Variants in ROBO2 observed in about 807,000 individuals in gnomAD.
ROBO2 encodes the protein roundabout homolog 2.
ROBO2 carries 53 observed loss-of-function variants against 160.8 expected under a neutral mutation model. The observed-to-expected ratio is 0.33, with a 90% CI of 0.26 to 0.41. The LOEUF (loss-of-function observed/expected upper bound fraction) is 0.41. ROBO2 is among the 10% of genes least tolerant of loss of function. ROBO2 has a pLI of 1.00. For synonymous variants in ROBO2, 664 were observed against 611.7 expected (o/e 1.09, Z -1.26); for missense variants, 1,577 against 1,722.4 (o/e 0.92, Z 1.49).
At chr3:77,104,844 T>C (rs2072561993) in intron 2 of ROBO2, among the ~76,000 whole-genome samples, 1 of 152,166 alleles carries the variant, frequency 6.6e-6, no homozygotes, top group Admixed American at 6.5e-5. Context: ...TTTAAAAATA[T>C]AGAACAATTA....
At chr3:76,327,499 A>G (rs1400569713) in intron 2 of ROBO2, among the ~76,000 whole-genome samples, 1 of 152,220 alleles carries the variant, frequency 6.6e-6, no homozygotes, top group Non-Finnish European at 1.5e-5. Context: ...TCACAATTCA[A>G]TATCATAAAA....
At chr3:76,559,933 C>T (rs2084055620) in intron 2 of ROBO2, among the ~76,000 whole-genome samples, 1 of 152,084 alleles carries the variant, frequency 6.6e-6, no homozygotes, top group African/African-American at 2.4e-5. Flanking sequence ...TGCAAGAGCA[C>T]CTGGGAATGG....
intron 2 of ROBO2, among the ~76,000 whole-genome samples, chr3:76,948,899 TATATATATA>T (rs1357132793): frequency 0.011 from 355 of 33,146 alleles, no homozygotes; most frequent in East Asian, 0.017. Flanking sequence ...TATATATATA[TATATATATA>T]TTTTTTTTTT....
intron 2 of ROBO2, among the ~76,000 whole-genome samples, chr3:76,693,787 C>T (rs2092867010): frequency 6.6e-6 from 1 of 152,098 alleles, no homozygotes; most frequent in South Asian, 2.1e-4. Context: ...AGATGAGTGT[C>T]CCAGCTCCAA....
intron 2 of ROBO2, among the ~76,000 whole-genome samples, chr3:76,272,903 ATAT>A (rs1707609504): frequency 1.9e-5 from 1 of 53,876 alleles, no homozygotes; most frequent in African/African-American, 5.7e-5. Flanking sequence ...AATATAATAT[ATAT>A]TTATATATAA....
At chr3:77,008,879 A>G (rs1269898030) in intron 2 of ROBO2, among the ~76,000 whole-genome samples, 1 of 152,180 alleles carries the variant, frequency 6.6e-6, no homozygotes, top group Non-Finnish European at 1.5e-5. Flanking sequence ...CTTTATCCCT[A>G]GCATCTGGAA....
At chr3:75,953,379 A>T (rs1383177710) in intron 2 of ROBO2, among the ~76,000 whole-genome samples, 1 of 151,846 alleles carries the variant, frequency 6.6e-6, no homozygotes, top group Middle Eastern at 3.2e-3. Context: ...TTCAATATCC[A>T]TATTTGACAG....
intron 2 of ROBO2, among the ~76,000 whole-genome samples, chr3:76,492,202 A>C (rs1374856104): frequency 1.3e-5 from 2 of 152,200 alleles, no homozygotes; most frequent in African/African-American, 4.8e-5. Context: ...GCTCAGTGAT[A>C]AAAGCAGTTT....
intron 2 of ROBO2, among the ~76,000 whole-genome samples, chr3:77,283,316 G>A (rs376842858): frequency 2.0e-4 from 31 of 152,226 alleles, no homozygotes; most frequent in African/African-American, 7.0e-4. Context: ...CTCACACAAC[G>A]TTACAGGCCA....
chr3:76,089,596 T>C lies in ROBO2; in HGVS notation c.109+151994T>C, dbSNP rs187988969. On this transcript the variant is annotated intron_variant, in intron 2 of 26. Coordinates refer to the ROBO2 transcript ENST00000487694. ...AAGAAAAATTACATGATAATATTAA[T>C]ATCTGAAGAAAAAACATTTGACAAA... Among the ~76,000 whole-genome samples the C allele has an allele frequency of 2.0e-5, 3 of 152,206 alleles. No individual in the cohort carries two copies. The East Asian group carries it at 5.8e-4, about 29-fold the overall frequency.
intron 2 of ROBO2, chr3:77,317,511 G>A: frequency 6.9e-7 from 1 of 1,448,790 alleles, no homozygotes; most frequent in African/African-American, 1.4e-5. Flanking sequence ...CTCAGATTTC[G>A]TTTTCAAATC....
intron 5 of ROBO2, among the ~76,000 whole-genome samples, chr3:77,506,752 CA>C (rs2088591291): frequency 6.6e-6 from 1 of 152,020 alleles, no homozygotes; most frequent in African/African-American, 2.4e-5. Flanking sequence ...GGGCATTGCT[CA>C]AGTAGTTATT....
At chr3:76,422,789 A>G (rs1209543585) in intron 2 of ROBO2, among the ~76,000 whole-genome samples, 1 of 152,232 alleles carries the variant, frequency 6.6e-6, no homozygotes, top group African/African-American at 2.4e-5. Context: ...GTAAATAAGT[A>G]GAAAACACAA....
intron 2 of ROBO2, among the ~76,000 whole-genome samples, chr3:77,315,823 G>A (rs1367509872): frequency 6.6e-6 from 1 of 152,078 alleles, no homozygotes; most frequent in Non-Finnish European, 1.5e-5. Flanking sequence ...AGGGTAAGTG[G>A]CTGATAAGTT....
At chr3:76,272,840 TTATATA>T (rs370216111) in intron 2 of ROBO2, among the ~76,000 whole-genome samples, 129 of 2,906 alleles carry the variant, frequency 0.044, 2 homozygotes, top group Middle Eastern at 0.5. Flanking sequence ...AATATATATA[TTATATA>T]TTATATATAA....
intron 2 of ROBO2, among the ~76,000 whole-genome samples, chr3:76,663,845 A>G (rs1380634900): frequency 6.6e-6 from 1 of 152,026 alleles, no homozygotes; most frequent in African/African-American, 2.4e-5. Flanking sequence ...CGGAGGTTGC[A>G]GTGAGTCAAG....
intron 2 of ROBO2, among the ~76,000 whole-genome samples, chr3:77,248,963 C>T (rs1580361540): frequency 1.3e-5 from 2 of 152,200 alleles, no homozygotes; most frequent in East Asian, 3.9e-4. Context: ...CTGCAACCTC[C>T]ACCGCCCGGG....
At chr3:77,043,028 A>C (rs1349926894) in intron 1 of ROBO2, among the ~76,000 whole-genome samples, 1 of 152,220 alleles carries the variant, frequency 6.6e-6, no homozygotes, top group Admixed American at 6.5e-5. Flanking sequence ...TGTAAATCAT[A>C]CGTTTGACAT....
intron 2 of ROBO2, among the ~76,000 whole-genome samples, chr3:77,361,317 A>T (rs1272058212): frequency 6.6e-6 from 1 of 152,148 alleles, no homozygotes; most frequent in Non-Finnish European, 1.5e-5. Context: ...TTTGTTATTC[A>T]TCTGAAATCC....
Sources: gnomAD v4.1 joint callset for allele counts (sites outside exome capture counted in the v4.1 genomes callset) on GRCh38, gnomAD v4.1.1 for gene constraint, MANE v1.5 for transcripts, NCBI Gene and HGNC (gene_info 2026-07-23, HGNC 2026-07-21) for gene names.